Variants in GCLC observed in about 807,000 individuals in gnomAD.
GCLC encodes the protein glutamate--cysteine ligase catalytic subunit.
In GCLC, 30 loss-of-function variants were observed where a neutral mutation model predicts 81.5. That is an observed-to-expected ratio of 0.37 (90% CI 0.28 to 0.50). The LOEUF (loss-of-function observed/expected upper bound fraction) is 0.50, where lower values mean the gene tolerates loss of function less well. GCLC is among the 20% of genes least tolerant of loss of function. The pLI is 0.96. For missense variants in GCLC, 556 were observed against 777.4 expected (o/e 0.72, Z 3.39); for synonymous variants, 262 against 273.3 (o/e 0.96, Z 0.41).
chr6:53,523,271 G>A (rs1763029571), intron 1 of GCLC: 2 of 152,194 alleles, frequency 1.3e-5, no homozygotes, highest in African/African-American at 4.8e-5. Context: ...TTTTCCTGAA[G>A]TTACAAGCTT....
In GCLC at chr6:53,521,216, A is replaced by G. The variant is rs575557489; in HGVS notation, c.264-256T>C. On this transcript the variant is annotated intron_variant, in intron 2 of 15. Transcript: ENST00000650454. ...GTCACCCAGGCTGGAGTGCAATGGCACGATCTTGGCTTACTGCAACCTCTG... is the reference window on the plus strand; with the variant it reads ...GTCACCCAGGCTGGAGTGCAATGGCGCGATCTTGGCTTACTGCAACCTCTG... Among the ~76,000 whole-genome samples the G allele has an allele frequency of 1.5e-4, 23 of 152,198 alleles. No homozygotes were observed. The East Asian group carries it at 3.5e-3, about 23-fold the overall frequency.
chr6:53,540,667 C>CCCCA (rs143043423), intron 1 of GCLC, among the ~76,000 whole-genome samples: 10 of 143,808 alleles, frequency 7.0e-5, no homozygotes, highest in African/African-American at 2.3e-4. Flanking sequence ...AAGTGTCTTG[C>CCCCA]CACACACACA....
intron 2 of GCLC, 102 bp downstream of exon 2, chr6:53,522,313 C>CT: frequency 1.3e-6 from 1 of 766,290 alleles, no homozygotes; most frequent in Admixed American, 1.8e-5. Context: ...AGCCTGTACT[C>CT]TTAACTGTTA....
In GCLC at chr6:53,541,236, A is replaced by G. The variant is rs60393704; in HGVS notation, c.150+3260T>C. ...CGTCTCAAAAAAAAGAAAAAAAGAAATGTAGAGAGGTACCACAATGGAGAA... is the reference window on the plus strand; with the variant it reads ...CGTCTCAAAAAAAAGAAAAAAAGAAGTGTAGAGAGGTACCACAATGGAGAA... On this transcript the variant is annotated intron_variant, in intron 1 of 15. Transcript: ENST00000650454. Among the ~76,000 whole-genome samples, 514 of 152,270 alleles carry G rather than the reference A, an allele frequency of 3.4e-3. 2 individuals carry two copies. The highest frequency in any genetic ancestry group is 0.012 in the African/African-American group (489 of 41,560).
intron 2 of GCLC, 34 bp downstream of exon 2, chr6:53,522,381 T>C (rs1386992432): frequency 7.3e-6 from 9 of 1,228,138 alleles, no homozygotes; most frequent in Non-Finnish European, 1.1e-5. Context: ...TTTTAGCAGT[T>C]TCAGAAACAC....
chr6:53,514,346 T>C lies in GCLC; in HGVS notation c.620-9A>G, dbSNP rs1450927491. The C allele has an allele frequency of 1.3e-5, 21 of 1,590,324 alleles. No homozygotes were observed. The highest frequency in any genetic ancestry group is 1.7e-5 in the Non-Finnish European group (20 of 1,158,564). ...ATTCTTGTCCTTAAATACTGTATTA[T>C]AAAAATACAAAAATAAAAATGGTTT... is the stretch of plus-strand genomic sequence containing the variant. On this transcript the variant is annotated splice_polypyrimidine_tract_variant and intron_variant, in intron 5 of 15. Transcript: ENST00000650454.
At chr6:53,537,226 T>C (rs1763271226) in intron 1 of GCLC, among the ~76,000 whole-genome samples, 1 of 152,174 alleles carries the variant, frequency 6.6e-6, no homozygotes, top group African/African-American at 2.4e-5. Flanking sequence ...CCTCTCTCTC[T>C]AGCATACACG....
intron 1 of GCLC, among the ~76,000 whole-genome samples, chr6:53,531,209 G>A (rs1041341393): frequency 3.9e-5 from 6 of 152,240 alleles, no homozygotes; most frequent in Admixed American, 3.3e-4. Flanking sequence ...AGTGTCTTGT[G>A]TTTCTCAAAC....
intron 12 of GCLC, 74 bp from the exon 13 acceptor site, chr6:53,500,587 C>T (rs1764491999): frequency 9.8e-7 from 1 of 1,022,594 alleles, no homozygotes. Flanking sequence ...ACCTTCCTCA[C>T]CTTTGCAATT....
intron 1 of GCLC, among the ~76,000 whole-genome samples, chr6:53,535,763 C>T (rs1194411937): frequency 1.3e-5 from 2 of 152,176 alleles, no homozygotes; most frequent in African/African-American, 4.8e-5. Flanking sequence ...AATACAACAA[C>T]GTACCACCAC....
rs1376296532 is a variant in GCLC at position 53,544,678 on chromosome 6, G to A, written c.-33C>T. ...CCCTCCTCCTCCTCCTCCTCCTCCG[G>A]GCTGACGGCGGTCGCCCGCTCCGGG... On this transcript the variant is annotated 5_prime_UTR_variant, in exon 1 of 16. Coordinates refer to ENST00000650454, the MANE Select transcript of GCLC (RefSeq NM_001498.4). 2 of 1,117,528 alleles carry A rather than the reference G, an allele frequency of 1.8e-6. No individual in the cohort carries two copies. Among genetic ancestry groups the A allele is most frequent in the African/African-American group, 4.4e-5 (2 of 45,000 alleles). 69.2% of individuals were successfully genotyped at this position (1,117,528 alleles called of 1,614,324 possible).
intron 6 of GCLC, chr6:53,512,988 CTT>C (rs1764784773): frequency 6.6e-6 from 1 of 152,132 alleles, no homozygotes; most frequent in Admixed American, 6.5e-5. Context: ...CGAAAGATCT[CTT>C]TTTTCGTGAA....
chr6:53,530,974 T>TAAG (rs1763162894), intron 1 of GCLC, among the ~76,000 whole-genome samples: 1 of 152,172 alleles, frequency 6.6e-6, no homozygotes, highest in Non-Finnish European at 1.5e-5. Context: ...GGGGAGCAGC[T>TAAG]AAGAGTGCAG....
At chr6:53,541,815 G>T (rs1056653122) in intron 1 of GCLC, among the ~76,000 whole-genome samples, 1 of 152,176 alleles carries the variant, frequency 6.6e-6, no homozygotes, top group Non-Finnish European at 1.5e-5. Flanking sequence ...AGTCACTAAA[G>T]AAAGTTTTCA....
intron 3 of GCLC, 23 bp downstream of exon 3, chr6:53,520,755 G>A (rs1762978002): frequency 6.3e-7 from 1 of 1,597,406 alleles, no homozygotes; most frequent in Non-Finnish European, 8.6e-7. Flanking sequence ...GATCTGCTGG[G>A]GCATGTTAAT....
intron 1 of GCLC, among the ~76,000 whole-genome samples, chr6:53,535,792 A>G (rs1215046942): frequency 6.6e-6 from 1 of 152,232 alleles, no homozygotes; most frequent in African/African-American, 2.4e-5. Context: ...TAGAGTAGCT[A>G]AAATTAAAGA....
At chr6:53,542,945 G>T (rs975493770) in intron 1 of GCLC, among the ~76,000 whole-genome samples, 3 of 151,698 alleles carry the variant, frequency 2.0e-5, no homozygotes, top group East Asian at 1.9e-4. Flanking sequence ...GGAGGCTGAG[G>T]TTGCAGTGAG....
intron 15 of GCLC, 81 bp from the exon 16 acceptor site, chr6:53,499,048 T>A (rs1764446032): frequency 2.3e-6 from 2 of 853,180 alleles, no homozygotes; most frequent in East Asian, 4.9e-5. Flanking sequence ...GTGGTCAGCA[T>A]AAACACAATT....
intron 12 of GCLC, chr6:53,500,724 G>A: frequency 1.7e-6 from 1 of 598,818 alleles, no homozygotes; most frequent in Non-Finnish European, 3.0e-6. Context: ...CAACCAATCA[G>A]GGAATTTTAA....
Sources: allele counts gnomAD v4.1 joint callset (sites outside exome capture counted in the v4.1 genomes callset), GRCh38; gene constraint gnomAD v4.1.1; transcripts MANE v1.5; gene names NCBI Gene and HGNC (gene_info 2026-07-23, HGNC 2026-07-21).